CCNP: variants seen among roughly 807,000 people sequenced by gnomAD.
CCNP encodes cyclin P.
Under a neutral mutation model 19.6 loss-of-function variants are expected in CCNP, and 18 were observed. The ratio of observed to expected loss-of-function variants is 0.92; its 90% confidence interval spans 0.64 to 1.36. The LOEUF (loss-of-function observed/expected upper bound fraction) is 1.36, where lower values mean the gene tolerates loss of function less well. Among genes scored for constraint, CCNP ranks in the 40% most tolerant of loss-of-function variants. CCNP has a pLI of 0.00. For missense variants in CCNP, 440 were observed against 424.4 expected, an observed-to-expected ratio of 1.04 and a Z score of -0.32; for synonymous variants, 228 against 194.9, an observed-to-expected ratio of 1.17 and a Z score of -1.41.
rs1973454383 is a variant in CCNP at position 40,222,229 on chromosome 19, T to A, written c.*823A>T. On this transcript the variant is annotated 3_prime_UTR_variant, in exon 5 of 5. Coordinates refer to ENST00000430325, the MANE Select transcript of CCNP (RefSeq NM_024877.4). ...GCGCTCAGAATAAAATAAATTCTTTTATTGAGATGAGAGACGGACACACAC... is the reference window on the plus strand; with the variant it reads ...GCGCTCAGAATAAAATAAATTCTTTAATTGAGATGAGAGACGGACACACAC... 2 of 398,190 alleles carry A rather than the reference T, an allele frequency of 5.0e-6. No homozygotes were observed. The highest frequency in any genetic ancestry group is 8.9e-6 in the Non-Finnish European group (2 of 225,694). 24.7% of individuals were successfully genotyped at this position (398,190 alleles called of 1,614,324 possible).
Position 40,222,693 on chromosome 19 carries a change from T to A in CCNP, c.*359A>T. 2.5e-6 allele frequency: 1 copy of A among 403,904 alleles called. No homozygotes were observed. The highest frequency in any genetic ancestry group is 4.3e-6 in the Non-Finnish European group (1 of 229,974). 25.0% of individuals were successfully genotyped at this position (403,904 alleles called of 1,614,324 possible). A position where few individuals can be genotyped will look rare whatever the true frequency, so the allele number is the denominator to read the frequency against. Reference sequence around the variant, plus strand: ...TATTCTTCCTACAGGGCGCGGCTAGTGCGGAGTCAGAACACTCGAGGAAGC... The same window carrying A: ...TATTCTTCCTACAGGGCGCGGCTAGAGCGGAGTCAGAACACTCGAGGAAGC... On this transcript the variant is annotated 3_prime_UTR_variant, in exon 5 of 5. Transcript: ENST00000430325.
At position 40,226,631 on chromosome 19, in the gene CCNP, C is replaced by T. The variant is rs1486095619; in HGVS notation, c.11G>A (p.Arg4Lys). The change falls in exon 1 of 5, where the codon AGA becomes AAA. Residue 4 changes from arginine (R) to lysine (K), a missense_variant. Physicochemically the swap from Arg to Lys is conservative, Grantham distance 26 (BLOSUM62 2). Transcript: ENST00000430325. MLV[R>K]GRDQGSGSRL... The stretch of plus-strand genomic sequence containing the variant: ...GGAGCCGGACCCCTGGTCCCTGCCT[C>T]TCACCAGCATCCTCCAGGAGGGTGT... 6.3e-7 allele frequency: 1 copy of T among 1,580,506 alleles called. No homozygotes were observed. Among genetic ancestry groups the T allele is most frequent in the East Asian group, 2.3e-5 (1 of 43,400 alleles).
At position 40,223,270 on chromosome 19, in the gene CCNP, A is replaced by G. The variant is rs112906736; in HGVS notation, c.706T>C (p.Ser236Pro). 1 of 1,540,812 alleles carries G rather than the reference A, an allele frequency of 6.5e-7. No homozygotes were observed. Among genetic ancestry groups the G allele is most frequent in the South Asian group, 1.2e-5 (1 of 83,490 alleles). ...MLLATYFLEL[S>P]LLEAEAAGWE... is the part of the protein sequence containing the mutation. ...CCCGCCGCCTCGGCCTCCAGCAAAG[A>G]CAGCTCCAGGAAGTAGGTGGCAAGT... Residue 236 changes from serine (S) to proline (P), a missense_variant, in exon 5 of 5, where the codon TCT becomes CCT. Transcript: ENST00000430325.
In CCNP at chr19:40,224,830, C is replaced by A. The variant is rs1320584566; in HGVS notation, c.268-19G>T. ...GGCACACCTGGGGTTGGGGCAGGGA[C>A]GCTTCACTCTCCACACCTGTGCCTC... is the stretch of plus-strand genomic sequence containing the variant. On this transcript the variant is annotated intron_variant, in intron 1 of 4. Coordinates refer to ENST00000430325, the MANE Select transcript of CCNP (RefSeq NM_024877.4). The A allele has an allele frequency of 1.3e-6, 2 of 1,544,226 alleles. No homozygotes were observed. The highest frequency in any genetic ancestry group is 2.0e-5 in the Admixed American group (1 of 50,726).
In CCNP at chr19:40,222,948, C is replaced by T. The variant is rs1221331581; in HGVS notation, c.*104G>A. 37 of 668,328 alleles carry T rather than the reference C, an allele frequency of 5.5e-5. No individual in the cohort carries two copies. The East Asian group carries it at 1.1e-3, about 19-fold the overall frequency. 41.4% of individuals were successfully genotyped at this position (668,328 alleles called of 1,614,324 possible). A position where few individuals can be genotyped will look rare whatever the true frequency, so the allele number is the denominator to read the frequency against. On this transcript the variant is annotated 3_prime_UTR_variant, in exon 5 of 5. Coordinates refer to ENST00000430325, the MANE Select transcript of CCNP (RefSeq NM_024877.4). Reference sequence around the variant, plus strand: ...CTTCTGGGCCTGGGAGACTATCTTCCACTCTGGGGCAAGGTTAAGAGACCC... The same window carrying T: ...CTTCTGGGCCTGGGAGACTATCTTCTACTCTGGGGCAAGGTTAAGAGACCC...
rs965298495 is a variant in CCNP, at chr19:40,226,599, C to G, written c.43G>C (p.Gly15Arg). 1.9e-6 allele frequency: 3 copies of G among 1,577,510 alleles called. No individual in the cohort carries two copies. The highest frequency in any genetic ancestry group is 2.6e-6 in the Non-Finnish European group (3 of 1,163,610). Reference sequence around the variant, plus strand: ...GGGGCCCAGCGCCTAACGATAGGCCCGAGCCGGGAGCCGGACCCCTGGTCC... The same window carrying G: ...GGGGCCCAGCGCCTAACGATAGGCCGGAGCCGGGAGCCGGACCCCTGGTCC... ...GRDQGSGSRLGPIVRRWAPRP... is the reference protein window; with the variant it reads ...GRDQGSGSRLRPIVRRWAPRP... Residue 15 changes from glycine to arginine, a missense_variant, in exon 1 of 5, where the codon GGG becomes CGG. Transcript: ENST00000430325.
chr19:40,226,120 G>A (rs1973535168), intron 1 of CCNP, among the ~76,000 whole-genome samples: 1 of 152,238 alleles, frequency 6.6e-6, no homozygotes, highest in Non-Finnish European at 1.5e-5. Flanking sequence ...TAAATGTGGA[G>A]GACAAGTACA....
At position 40,222,683 on chromosome 19, in the gene CCNP, G is replaced by A. The variant is rs1283633232; in HGVS notation, c.*369C>T. The A allele has an allele frequency of 2.5e-6, 1 of 401,834 alleles. No individual in the cohort carries two copies. Among genetic ancestry groups the A allele is most frequent in the East Asian group, 3.6e-5 (1 of 28,090 alleles). 24.9% of individuals were successfully genotyped at this position (401,834 alleles called of 1,614,324 possible). ...GTGGACACCCTATTCTTCCTACAGGGCGCGGCTAGTGCGGAGTCAGAACAC... is the reference window on the plus strand; with the variant it reads ...GTGGACACCCTATTCTTCCTACAGGACGCGGCTAGTGCGGAGTCAGAACAC... On this transcript the variant is annotated 3_prime_UTR_variant, in exon 5 of 5. Transcript: ENST00000430325.
chr19:40,222,361 C>G lies in CCNP; in HGVS notation c.*691G>C, dbSNP rs777293103. 54 of 399,034 alleles carry G rather than the reference C, an allele frequency of 1.4e-4. No individual in the cohort carries two copies. The highest frequency in any genetic ancestry group is 1.1e-3 in the African/African-American group (53 of 48,752). The allele number at this position is 399,034 out of a possible 1,614,324, so 24.7% of individuals were successfully genotyped here. Reference sequence around the variant, plus strand: ...GCAGGCAGGCGGCGGCAAGGCTGGTCCCCTGGCGCTGGGGCCGCGCATACT... The same window carrying G: ...GCAGGCAGGCGGCGGCAAGGCTGGTGCCCTGGCGCTGGGGCCGCGCATACT... On this transcript the variant is annotated 3_prime_UTR_variant, in exon 5 of 5. Transcript: ENST00000430325.
At chr19:40,223,790 T>C in intron 3 of CCNP, 1 of 538,734 alleles carries the variant, frequency 1.9e-6, no homozygotes, top group African/African-American at 2.0e-5. Context: ...GCTCTCTGCC[T>C]CAGCTACCCC....
Position 40,226,468 on chromosome 19 carries a change from G to C in CCNP, c.174C>G (p.Arg58=), listed in dbSNP as rs146380997. The C allele has an allele frequency of 6.2e-7, 1 of 1,607,238 alleles. No individual in the cohort carries two copies. The highest frequency in any genetic ancestry group is 8.5e-7 in the Non-Finnish European group (1 of 1,178,134). The part of the protein sequence containing the change: ...FPAGPTVSPR[R]LARPPGLEEA... ...CCTCCAGCCCCGGCGGCCTCGCCAGGCGTCTTGGGGAGACAGTGGGGCCCG... is the reference window on the plus strand; with the variant it reads ...CCTCCAGCCCCGGCGGCCTCGCCAGCCGTCTTGGGGAGACAGTGGGGCCCG... Residue 58 remains arginine, a synonymous_variant, in exon 1 of 5, where the codon CGC becomes CGG. Transcript: ENST00000430325.
At position 40,224,737 on chromosome 19, in the gene CCNP, C is replaced by A; in HGVS notation, c.342G>T (p.Trp114Cys). 3.2e-6 allele frequency: 5 copies of A among 1,575,446 alleles called. No individual in the cohort carries two copies. Among genetic ancestry groups the A allele is most frequent in the Non-Finnish European group, 4.3e-6 (5 of 1,161,204 alleles). ...TPEMRALVVD[W>C]LVQVHEYLGL... ...AGATACCTACGTGCACCTGGACCAG[C>A]CAGTCTACCACCAGGGCGCGCATCT... Residue 114 changes from tryptophan (W) to cysteine (C), a missense_variant, in exon 2 of 5, where the codon TGG becomes TGT. Transcript: ENST00000430325.
At chr19:40,224,425 T>A (rs1973507011) in intron 3 of CCNP, 63 bp downstream of exon 3, 2 of 1,563,242 alleles carry the variant, frequency 1.3e-6, no homozygotes. Context: ...CACACAGTAG[T>A]CACTGAATCA....
intron 1 of CCNP, among the ~76,000 whole-genome samples, chr19:40,225,559 C>A (rs1046698773): frequency 4.6e-5 from 7 of 152,206 alleles, no homozygotes; most frequent in African/African-American, 1.7e-4. Flanking sequence ...ACAACCCATG[C>A]GTCAGCCACA....
chr19:40,226,684 G>C lies in CCNP; in HGVS notation c.-43C>G, dbSNP rs1203776915. The C allele has an allele frequency of 2.0e-5, 30 of 1,490,522 alleles. No homozygotes were observed. The highest frequency in any genetic ancestry group is 2.5e-5 in the Non-Finnish European group (28 of 1,122,144). 92.3% of individuals were successfully genotyped at this position (1,490,522 alleles called of 1,614,324 possible). ...CGGGCGAGGCCAAGCACCGACCCTT[G>C]CAGCTAGGGGAAGAGACGCGCGGCG... On this transcript the variant is annotated 5_prime_UTR_variant, in exon 1 of 5. Transcript: ENST00000430325.
In CCNP at chr19:40,226,581, A is replaced by G. The variant is rs1973544227; in HGVS notation, c.61T>C (p.Trp21Arg). 1 of 1,577,880 alleles carries G rather than the reference A, an allele frequency of 6.3e-7. No individual in the cohort carries two copies. The highest frequency in any genetic ancestry group is 8.6e-7 in the Non-Finnish European group (1 of 1,163,872). The change falls in exon 1 of 5, where the codon TGG becomes CGG. Residue 21 changes from tryptophan (W) to arginine (R), a missense_variant. Transcript: ENST00000430325. ...TGCAAAGGAGAGGGCCTGGGGGCCC[A>G]GCGCCTAACGATAGGCCCGAGCCGG... ...GSRLGPIVRR[W>R]APRPSPLQSL...
At position 40,224,651 on chromosome 19, in the gene CCNP, G is replaced by A. The variant is rs143673271; in HGVS notation, c.358-8C>T. 2.5e-6 allele frequency: 4 copies of A among 1,614,056 alleles called. No individual in the cohort carries two copies. In the African/African-American group the frequency reaches 4.0e-5, roughly 16 times the overall value. On this transcript the variant is annotated splice_polypyrimidine_tract_variant and splice_region_variant and intron_variant, in intron 2 of 4. Transcript: ENST00000430325. ...AGCCAGACCCAGGTACTCCTGAGGA[G>A]GGGCAAGGGTGACCACGGGGTCCTG...
In CCNP at chr19:40,222,266, T is replaced by C; in HGVS notation, c.*786A>G. 2.5e-6 allele frequency: 1 copy of C among 398,766 alleles called. No individual in the cohort carries two copies. Among genetic ancestry groups the C allele is most frequent in the Non-Finnish European group, 4.4e-6 (1 of 225,952 alleles). 24.7% of individuals were successfully genotyped at this position (398,766 alleles called of 1,614,324 possible). On this transcript the variant is annotated 3_prime_UTR_variant, in exon 5 of 5. Coordinates refer to ENST00000430325, the MANE Select transcript of CCNP (RefSeq NM_024877.4). Reference sequence around the variant, plus strand: ...AGACGGACACACACTGGGAGGGTTTTGTTTTTTGTTGTTGATTTTTTTGTG... The same window carrying C: ...AGACGGACACACACTGGGAGGGTTTCGTTTTTTGTTGTTGATTTTTTTGTG...
At position 40,223,124 on chromosome 19, in the gene CCNP, C is replaced by T; in HGVS notation, c.852G>A (p.Trp284Ter). Reference protein sequence around the residue: ...YRCSLGGGSVWGHRSFRDLPS... With the variant: ...YRCSLGGGSV ...GTAAGTCCCTGAAGCTGCGGTGACC[C>T]CATACACTTCCTCCGCCAAGACTAC... The change falls in exon 5 of 5, where the codon TGG becomes TGA. Residue 284 changes from tryptophan (W) to a stop codon, truncating the protein, a stop_gained. Coordinates refer to ENST00000430325, the MANE Select transcript of CCNP (RefSeq NM_024877.4). LOFTEE classifies it low-confidence loss of function (END_TRUNC). 2 of 1,551,404 alleles carry T rather than the reference C, an allele frequency of 1.3e-6. No individual in the cohort carries two copies. Among genetic ancestry groups the T allele is most frequent in the East Asian group, 2.4e-5 (1 of 40,900 alleles).
Sources: gnomAD v4.1 joint callset for allele counts (sites outside exome capture counted in the v4.1 genomes callset) on GRCh38, gnomAD v4.1.1 for gene constraint, MANE v1.5 for transcripts, NCBI Gene and HGNC (gene_info 2026-07-23, HGNC 2026-07-21) for gene names.